The following PRUNE1 variants were observed in gnomAD, a reference collection of about 807,000 sequenced individuals.
The protein encoded by PRUNE1 is prune exopolyphosphatase 1.
A neutral mutation model predicts 42.5 loss-of-function variants in PRUNE1; 25 were observed. The ratio of observed to expected loss-of-function variants is 0.59; its 90% CI spans 0.43 to 0.82. The LOEUF (loss-of-function observed/expected upper bound fraction) is 0.82. Among genes scored for constraint, PRUNE1 ranks in the 40% least tolerant of loss-of-function variants. PRUNE1 has a pLI of 0.00. For missense variants in PRUNE1, 443 were observed against 539.3 expected (o/e 0.82, Z 1.77); for synonymous variants, 203 against 217.1 (o/e 0.93, Z 0.57).
chr1:151,010,137 C>G (rs1326653823), intron 1 of PRUNE1, among the ~76,000 whole-genome samples: 2 of 152,176 alleles, frequency 1.3e-5, no homozygotes, highest in African/African-American at 4.8e-5. Flanking sequence ...GGGTCTCACT[C>G]TGTTGCCCTG....
At chr1:151,032,048 C>A (rs1675271876) in intron 7 of PRUNE1, among the ~76,000 whole-genome samples, 3 of 152,038 alleles carry the variant, frequency 2.0e-5, no homozygotes, top group Admixed American at 2.0e-4. Context: ...AGTTTGAGAC[C>A]AGCCTGGCCA....
rs189362521 is a variant in PRUNE1 at position 151,012,135 on chromosome 1, G to A, written c.39+3464G>A. Among the ~76,000 whole-genome samples the A allele has an allele frequency of 2.5e-3, 385 of 152,202 alleles. 1 individual carries two copies. The highest frequency in any genetic ancestry group is 3.9e-3 in the Non-Finnish European group (264 of 68,006). On this transcript the variant is annotated intron_variant, in intron 1 of 7. Transcript: ENST00000271620. ...AAAAAGTTTGTATTTATTTACTTGT[G>A]GCCCTCAGATTGTATTTTTTCCATT...
chr1:151,031,194 T>TG (rs1383919694), intron 7 of PRUNE1, among the ~76,000 whole-genome samples: 6,349 of 125,340 alleles, frequency 0.051, 431 homozygotes, highest in African/African-American at 0.2. Flanking sequence ...TGTGTGTGTG[T>TG]TTTTTTTTTT....
chr1:151,029,306 C>T (rs1368102098), intron 7 of PRUNE1, among the ~76,000 whole-genome samples: 2 of 150,458 alleles, frequency 1.3e-5, no homozygotes, highest in East Asian at 2.0e-4. Context: ...GACAGTGGCA[C>T]GTGCCTGTAG....
intron 1 of PRUNE1, among the ~76,000 whole-genome samples, chr1:151,014,200 C>T (rs1006472276): frequency 6.6e-6 from 1 of 152,160 alleles, no homozygotes; most frequent in Non-Finnish European, 1.5e-5. Context: ...AGGATAGTCT[C>T]GATCTCCTGA....
chr1:151,028,922 C>A lies in PRUNE1; in HGVS notation c.911C>A (p.Pro304His), dbSNP rs1285759228. The change falls in exon 7 of 8, where the codon CCC (proline) becomes CAC (histidine). Residue 304 changes from proline to histidine, a missense_variant. Physicochemically the swap from Pro to His is moderately conservative, Grantham distance 77 (BLOSUM62 -2). Transcript: ENST00000271620. ...EPVRQLAIFCPHVALQTTICE... is the reference protein window; with the variant it reads ...EPVRQLAIFCHHVALQTTICE... ...GTGCGGCAGTTGGCTATTTTCTGTCCCCATGTGGCACTCCAAACAACGGTG... is the reference window on the plus strand; with the variant it reads ...GTGCGGCAGTTGGCTATTTTCTGTCACCATGTGGCACTCCAAACAACGGTG... The A allele has an allele frequency of 1.9e-6, 3 of 1,613,640 alleles. No individual in the cohort carries two copies. The highest frequency in any genetic ancestry group is 2.5e-6 in the Non-Finnish European group (3 of 1,179,648).
At position 151,028,961 on chromosome 1, in the gene PRUNE1, T is replaced by A; in HGVS notation, c.933+17T>A. On this transcript the variant is annotated intron_variant, in intron 7 of 7. Coordinates refer to ENST00000271620, the MANE Select transcript of PRUNE1 (RefSeq NM_021222.3). The stretch of plus-strand genomic sequence containing the variant: ...CAAACAACGGTGAGTCTGTGTCCCT[T>A]CTCCAACCTAAGAGCCTTACAGAGT... The A allele has an allele frequency of 6.2e-7, 1 of 1,603,428 alleles. No homozygotes were observed. The highest frequency in any genetic ancestry group is 1.3e-5 in the African/African-American group (1 of 74,784).
At chr1:151,014,910 G>C (rs1010134865) in intron 1 of PRUNE1, among the ~76,000 whole-genome samples, 5 of 152,210 alleles carry the variant, frequency 3.3e-5, no homozygotes, top group African/African-American at 1.2e-4. Flanking sequence ...AGAATTATCC[G>C]GCTGGGCATG....
Position 151,019,279 on chromosome 1 carries a change from G to A in PRUNE1, c.335+610G>A, listed in dbSNP as rs587701878. 3.3e-5 allele frequency among the ~76,000 whole-genome samples: 5 copies of A among 152,114 alleles called. No homozygotes were observed. The South Asian group carries it at 6.2e-4, about 19-fold the overall frequency. On this transcript the variant is annotated intron_variant, in intron 3 of 7. Coordinates refer to ENST00000271620, the MANE Select transcript of PRUNE1 (RefSeq NM_021222.3). ...ATCATTATTTAAGATTTTGTGTGCCGGGTGTGATGGCTCACGCCTGTAATC... is the reference window on the plus strand; with the variant it reads ...ATCATTATTTAAGATTTTGTGTGCCAGGTGTGATGGCTCACGCCTGTAATC...
chr1:151,030,086 AC>A (rs1269132093), intron 7 of PRUNE1, among the ~76,000 whole-genome samples: 5 of 151,884 alleles, frequency 3.3e-5, no homozygotes, highest in African/African-American at 9.7e-5. Context: ...ACATGGTGAA[AC>A]CCCATCTCTT....
chr1:151,034,246 C>G lies in PRUNE1; in HGVS notation c.*12C>G. 6.3e-7 allele frequency: 1 copy of G among 1,597,868 alleles called. No individual in the cohort carries two copies. The highest frequency in any genetic ancestry group is 1.1e-5 in the South Asian group (1 of 90,626). On this transcript the variant is annotated 3_prime_UTR_variant, in exon 8 of 8. Coordinates refer to ENST00000271620, the MANE Select transcript of PRUNE1 (RefSeq NM_021222.3). ...TGTCCAAGAAGTGACTGTTGAGAGG[C>G]GAGGAGGTAGTGGGTGAGGCTACCT...
chr1:151,018,145 T>C (rs587766257), intron 2 of PRUNE1, among the ~76,000 whole-genome samples: 149 of 152,244 alleles, frequency 9.8e-4, no homozygotes, highest in African/African-American at 3.3e-3. Context: ...ATTCAAACAG[T>C]TTATTACTGA....
chr1:151,020,805 A>C (rs989996157), intron 3 of PRUNE1, among the ~76,000 whole-genome samples: 1 of 150,574 alleles, frequency 6.6e-6, no homozygotes, highest in South Asian at 2.1e-4. Context: ...CATGGTGAAA[A>C]CCCGTCTCTA....
intron 1 of PRUNE1, among the ~76,000 whole-genome samples, chr1:151,010,322 A>G (rs1673696972): frequency 6.6e-6 from 1 of 152,112 alleles, no homozygotes. Flanking sequence ...GGACTCAAAC[A>G]ATCCCCCTGG....
At position 151,034,331 on chromosome 1, in the gene PRUNE1, C is replaced by G; in HGVS notation, c.*97C>G. On this transcript the variant is annotated 3_prime_UTR_variant, in exon 8 of 8. Transcript: ENST00000271620. The stretch of plus-strand genomic sequence containing the variant: ...AGATTCAGCAATTCTGTCTTCATTG[C>G]TCCAGGATCTGGTATACTGTTCTCA... The G allele has an allele frequency of 7.8e-7, 1 of 1,279,376 alleles. No homozygotes were observed. The highest frequency in any genetic ancestry group is 2.3e-5 in the East Asian group (1 of 42,658). The allele number at this position is 1,279,376 out of a possible 1,614,324, so 79.3% of individuals were successfully genotyped here.
chr1:151,030,478 A>T (rs11799977), intron 7 of PRUNE1, among the ~76,000 whole-genome samples: 10,586 of 151,996 alleles, frequency 0.07, 1,162 homozygotes, highest in African/African-American at 0.23. Context: ...TTATGAAAAG[A>T]ACTGCAGTTT....
At chr1:151,033,723 A>G (rs1571824408) in intron 7 of PRUNE1, 83 bp from the exon 8 acceptor site, 7 of 1,341,256 alleles carry the variant, frequency 5.2e-6, no homozygotes, top group Non-Finnish European at 7.3e-6. Context: ...TTCCTCTTCT[A>G]TAGAGGAAGC....
rs1558076603 is a variant in PRUNE1 at position 151,017,802 on chromosome 1, T to C, written c.40-10T>C. 1.3e-6 allele frequency: 2 copies of C among 1,531,966 alleles called. No individual in the cohort carries two copies. The highest frequency in any genetic ancestry group is 1.8e-6 in the Non-Finnish European group (2 of 1,116,020). The allele number at this position is 1,531,966 out of a possible 1,614,324, so 94.9% of individuals were successfully genotyped here. On this transcript the variant is annotated splice_polypyrimidine_tract_variant and intron_variant, in intron 1 of 7. Coordinates refer to ENST00000271620, the MANE Select transcript of PRUNE1 (RefSeq NM_021222.3). ...ACTTTTGTTAGTTTCCCATTTTCCT[T>C]TCTCTCCAGGAGTCCCGACCTCTAC...
intron 7 of PRUNE1, among the ~76,000 whole-genome samples, chr1:151,031,502 A>G (rs587634886): frequency 1.3e-5 from 2 of 152,074 alleles, no homozygotes; most frequent in South Asian, 4.2e-4. Context: ...TCCTTTTCTT[A>G]CAGTCTACTC....
Sources: gnomAD v4.1 joint callset for allele counts (sites outside exome capture counted in the v4.1 genomes callset) on GRCh38, gnomAD v4.1.1 for gene constraint, MANE v1.5 for transcripts, NCBI Gene and HGNC (gene_info 2026-07-23, HGNC 2026-07-21) for gene names.